Variants in SPRR2G observed in about 807,000 individuals in gnomAD.
SPRR2G encodes small proline rich protein 2G.
In SPRR2G, 1 loss-of-function variant was observed where a neutral mutation model predicts 0.7. That is an observed-to-expected ratio of 1.49 (90% CI 0.53 to 7.06). The LOEUF (loss-of-function observed/expected upper bound fraction) is 7.06, where lower values mean the gene tolerates loss of function less well. Ranked by LOEUF, SPRR2G falls within the 30% of genes most tolerant of loss-of-function variation. The pLI, the probability that SPRR2G is intolerant of heterozygous loss-of-function variation, is 0.14. For synonymous variants in SPRR2G, 38 were observed against 33.9 expected (o/e 1.12, Z -0.42); for missense variants, 96 against 88.5 (o/e 1.09, Z -0.34).
upstream of SPRR2G, among the ~76,000 whole-genome samples, chr1:153,151,222 A>T (rs142817180): frequency 1.5e-4 from 23 of 152,310 alleles, no homozygotes; most frequent in Non-Finnish European, 3.4e-4. Flanking sequence ...ACTCCCATTC[A>T]GTTGCACATG....
the SPRR2G span, among the ~76,000 whole-genome samples, chr1:153,167,998 T>C: frequency 8.5e-5 from 13 of 152,230 alleles, no homozygotes; most frequent in African/African-American, 2.9e-4. Flanking sequence ...CATGATCCCA[T>C]GAGCAGGAGA....
the SPRR2G span, among the ~76,000 whole-genome samples, chr1:153,168,335 A>T: frequency 5.3e-3 from 803 of 152,346 alleles, 11 homozygotes; most frequent in Middle Eastern, 0.02. Context: ...ACTTTCACTG[A>T]ATCTTACATC....
the SPRR2G span, among the ~76,000 whole-genome samples, chr1:153,180,019 T>G: frequency 6.6e-6 from 1 of 152,194 alleles, no homozygotes; most frequent in East Asian, 1.9e-4. Flanking sequence ...CTTCATCATA[T>G]CTTTCTTTCC....
the SPRR2G span, among the ~76,000 whole-genome samples, chr1:153,186,114 G>A: frequency 6.6e-6 from 1 of 152,270 alleles, no homozygotes; most frequent in South Asian, 2.1e-4. Context: ...TGCATTTGCT[G>A]AGGAGTGTTT....
At chr1:153,173,271 A>G in the SPRR2G span, among the ~76,000 whole-genome samples, 2 of 152,088 alleles carry the variant, frequency 1.3e-5, no homozygotes, top group Non-Finnish European at 2.9e-5. Context: ...CACTTCCAGA[A>G]CCCCCAGGCT....
At chr1:153,192,871 G>C in the SPRR2G span, among the ~76,000 whole-genome samples, 1 of 152,136 alleles carries the variant, frequency 6.6e-6, no homozygotes, top group African/African-American at 2.4e-5. Context: ...TCCACTGTCC[G>C]GCCCCAAACC....
the SPRR2G span, among the ~76,000 whole-genome samples, chr1:153,163,427 C>T: frequency 6.6e-6 from 1 of 152,168 alleles, no homozygotes; most frequent in Non-Finnish European, 1.5e-5. Context: ...CACACGCCTA[C>T]CTATAGCAAT....
the SPRR2G span, among the ~76,000 whole-genome samples, chr1:153,168,130 T>C: frequency 6.6e-6 from 1 of 152,194 alleles, no homozygotes; most frequent in Admixed American, 6.5e-5. Flanking sequence ...TTATATAACA[T>C]AGTTATCAAC....
At chr1:153,173,739 G>C in the SPRR2G span, among the ~76,000 whole-genome samples, 1 of 152,224 alleles carries the variant, frequency 6.6e-6, no homozygotes, top group Non-Finnish European at 1.5e-5. Context: ...TCAGAGCAGA[G>C]GCTAGAAGTC....
At chr1:153,202,772 C>T in the SPRR2G span, among the ~76,000 whole-genome samples, 5 of 152,288 alleles carry the variant, frequency 3.3e-5, no homozygotes, top group Non-Finnish European at 7.3e-5. Flanking sequence ...GAGATTCATT[C>T]GTGATGACTG....
the SPRR2G span, among the ~76,000 whole-genome samples, chr1:153,171,705 C>T: frequency 6.6e-6 from 1 of 152,192 alleles, no homozygotes; most frequent in Non-Finnish European, 1.5e-5. Context: ...TCACAGCTGC[C>T]AACAGATGGT....
chr1:153,186,322 T>A, the SPRR2G span, among the ~76,000 whole-genome samples: 1 of 152,158 alleles, frequency 6.6e-6, no homozygotes, highest in African/African-American at 2.4e-5. Context: ...GGTGTTAAAG[T>A]CTCCCACTAT....
At chr1:153,171,691 A>G in the SPRR2G span, among the ~76,000 whole-genome samples, 1 of 152,162 alleles carries the variant, frequency 6.6e-6, no homozygotes, top group South Asian at 2.1e-4. Context: ...GCCACCTCTC[A>G]ACTTCACAGC....
chr1:153,201,616 C>T, the SPRR2G span, among the ~76,000 whole-genome samples: 1 of 152,200 alleles, frequency 6.6e-6, no homozygotes, highest in Admixed American at 6.5e-5. Flanking sequence ...GAGTGAGCTG[C>T]ACAAAGACTA....
chr1:153,156,203 A>C, the SPRR2G span, among the ~76,000 whole-genome samples: 1 of 152,242 alleles, frequency 6.6e-6, no homozygotes, highest in Non-Finnish European at 1.5e-5. Context: ...CTAGAAAAAA[A>C]TAACATTTAA....
chr1:153,183,062 T>C, the SPRR2G span, among the ~76,000 whole-genome samples: 2 of 151,262 alleles, frequency 1.3e-5, no homozygotes, highest in Non-Finnish European at 2.9e-5. Context: ...TCCTGACTTT[T>C]TTTTTCTTTT....
chr1:153,171,411 C>G, the SPRR2G span, among the ~76,000 whole-genome samples: 2 of 152,166 alleles, frequency 1.3e-5, no homozygotes, highest in Admixed American at 1.3e-4. Flanking sequence ...CTCGCCTCCC[C>G]AGGAATGCTT....
At chr1:153,165,183 T>TGGATGGATGGATGGATGGATGGACGGAC in the SPRR2G span, among the ~76,000 whole-genome samples, 2 of 151,354 alleles carry the variant, frequency 1.3e-5, no homozygotes, top group African/African-American at 4.8e-5. Context: ...GATGGATGGA[T>TGGATGGATGGATGGATGGATGGACGGAC]GGATGGATGG....
chr1:153,181,668 C>T, the SPRR2G span, among the ~76,000 whole-genome samples: 1 of 151,880 alleles, frequency 6.6e-6, no homozygotes, highest in Non-Finnish European at 1.5e-5. Context: ...AACAGGTGAT[C>T]ATTGTCTTTC....
Sources: gnomAD v4.1 joint callset for allele counts (sites outside exome capture counted in the v4.1 genomes callset) on GRCh38, gnomAD v4.1.1 for gene constraint, MANE v1.5 for transcripts, NCBI Gene and HGNC (gene_info 2026-07-23, HGNC 2026-07-21) for gene names.